SLC15A1: variants seen among roughly 807,000 people sequenced by gnomAD.
The protein encoded by SLC15A1 is Caco-2 oligopeptide transporter.
A neutral mutation model predicts 92.9 loss-of-function variants in SLC15A1; 83 were observed. The observed-to-expected ratio is 0.89, with a 90% CI of 0.75 to 1.07. The LOEUF (loss-of-function observed/expected upper bound fraction) is 1.07, where lower values mean the gene tolerates loss of function less well. Ranked by LOEUF, SLC15A1 falls within the 50% of genes least tolerant of loss-of-function variation. SLC15A1 has a pLI of 0.00. For synonymous variants in SLC15A1, 322 were observed against 318.2 expected, an observed-to-expected ratio of 1.01 and a Z score of -0.13; for missense variants, 857 against 880.1, an observed-to-expected ratio of 0.97 and a Z score of 0.33.
At chr13:98,749,252 G>A (rs1484356823) in intron 1 of SLC15A1, among the ~76,000 whole-genome samples, 1 of 152,210 alleles carries the variant, frequency 6.6e-6, no homozygotes, top group African/African-American at 2.4e-5. Context: ...ATCATTTTAA[G>A]CTCAGGCAGC....
At chr13:98,737,497 T>TA (rs1272099509) in intron 1 of SLC15A1, among the ~76,000 whole-genome samples, 2 of 151,930 alleles carry the variant, frequency 1.3e-5, no homozygotes, top group African/African-American at 4.8e-5. Flanking sequence ...AGTATAATAA[T>TA]AAAAAAAGGA....
rs746572919 is a variant in SLC15A1 at position 98,709,731 on chromosome 13, A to G, written c.978+11T>C. ...ACTCTGATCCCTGAAAGCAACTTAC[A>G]TGTCTTCTACCTGCATCTGATCGGG... On this transcript the variant is annotated intron_variant, in intron 13 of 22. Transcript: ENST00000376503. 2 of 1,614,204 alleles carry G rather than the reference A, an allele frequency of 1.2e-6. No homozygotes were observed. Among genetic ancestry groups the G allele is most frequent in the Admixed American group, 1.7e-5 (1 of 60,022 alleles).
intron 10 of SLC15A1, 38 bp from the exon 11 acceptor site, chr13:98,711,981 C>T: frequency 6.9e-7 from 1 of 1,455,212 alleles, no homozygotes; most frequent in Non-Finnish European, 9.6e-7. Context: ...TCAGCCACAC[C>T]CTGTGTCCTG....
At chr13:98,707,899 A>ATTTT (rs1448963144) in intron 15 of SLC15A1, among the ~76,000 whole-genome samples, 12 of 57,578 alleles carry the variant, frequency 2.1e-4, no homozygotes, top group African/African-American at 4.5e-4. Context: ...TTTAAAAAAA[A>ATTTT]AAAAAAAAAA....
rs2087950423 is a variant in SLC15A1, at chr13:98,688,539, A to G, written c.1505T>C (p.Met502Thr). Residue 502 changes from methionine (M) to threonine (T), a missense_variant, in exon 19 of 23, where the codon ATG becomes ACG. Met to Thr is a moderately conservative substitution (Grantham distance 81). Coordinates refer to ENST00000376503, the MANE Select transcript of SLC15A1 (RefSeq NM_005073.4). ...NTFNELITITMSGKVYANISS... is the reference protein window; with the variant it reads ...NTFNELITITTSGKVYANISS... ...GATGTTTGCATAAACTTTCCCACTC[A>G]TTGTGATGGTGATGAGCTCGTTAAA... is the stretch of plus-strand genomic sequence containing the variant. 1 of 1,614,080 alleles carries G rather than the reference A, an allele frequency of 6.2e-7. No individual in the cohort carries two copies.
At position 98,700,115 on chromosome 13, in the gene SLC15A1, T is replaced by G. The variant is rs143954725; in HGVS notation, c.1466+2365A>C. Among the ~76,000 whole-genome samples the G allele has an allele frequency of 2.7e-3, 411 of 152,290 alleles. 9 individuals are homozygous for G. Among genetic ancestry groups the G allele is most frequent in the East Asian group, 1.5e-3 (8 of 5,194 alleles). On this transcript the variant is annotated intron_variant, in intron 18 of 22. Coordinates refer to ENST00000376503, the MANE Select transcript of SLC15A1 (RefSeq NM_005073.4). ...TGTCAAATACATGATTTCTAAATAT[T>G]TTCTCCCAGTTTATAGTGAATCTTT...
intron 20 of SLC15A1, among the ~76,000 whole-genome samples, chr13:98,687,960 C>A (rs2087943607): frequency 6.6e-6 from 1 of 152,138 alleles, no homozygotes; most frequent in South Asian, 2.1e-4. Context: ...TAAAACACTG[C>A]CCTCTCTTTG....
intron 14 of SLC15A1, 34 bp downstream of exon 14, chr13:98,709,538 G>A: frequency 3.1e-6 from 5 of 1,589,668 alleles, no homozygotes; most frequent in Non-Finnish European, 4.3e-6. Context: ...GGGACCAAGG[G>A]AGCCTCAACC....
intron 18 of SLC15A1, among the ~76,000 whole-genome samples, chr13:98,691,585 T>C (rs1012657626): frequency 6.6e-5 from 10 of 152,222 alleles, no homozygotes; most frequent in African/African-American, 1.7e-4. Flanking sequence ...AGCCTGTCTG[T>C]GAGTAAAGAG....
At chr13:98,696,355 G>C (rs1011899548) in intron 18 of SLC15A1, among the ~76,000 whole-genome samples, 1 of 151,906 alleles carries the variant, frequency 6.6e-6, no homozygotes, top group African/African-American at 2.4e-5. Context: ...GGAGGCTGCA[G>C]TGAGCCAAGA....
At chr13:98,721,336 A>G in intron 7 of SLC15A1, 159 bp downstream of exon 7, 1 of 715,398 alleles carries the variant, frequency 1.4e-6, no homozygotes, top group Non-Finnish European at 2.6e-6. Context: ...TGAAACTCAC[A>G]GGGAAGGAAG....
rs2087907752 is a variant in SLC15A1, at chr13:98,683,891, T to G, written c.*833A>C. On this transcript the variant is annotated 3_prime_UTR_variant, in exon 23 of 23. Transcript: ENST00000376503. ...GCTGTCTTTCGAGTTATCCATAATT[T>G]AAACACAGGTAGGGACTAGAAAAAC... 6.6e-6 allele frequency: 1 copy of G among 152,196 alleles called. No individual in the cohort carries two copies. Among genetic ancestry groups the G allele is most frequent in the Non-Finnish European group, 1.5e-5 (1 of 68,036 alleles). The allele number at this position is 152,196 out of a possible 1,614,324, so 9.4% of individuals were successfully genotyped here.
Position 98,688,451 on chromosome 13 carries a change from A to G in SLC15A1, c.1574+19T>C. On this transcript the variant is annotated intron_variant, in intron 19 of 22. Coordinates refer to ENST00000376503, the MANE Select transcript of SLC15A1 (RefSeq NM_005073.4). The stretch of plus-strand genomic sequence containing the variant: ...AAATTCTTGAACCTTTGAGTGAAGC[A>G]TTCAGTCTCGGTACTTACATGCCAG... 2 of 1,608,888 alleles carry G rather than the reference A, an allele frequency of 1.2e-6. No homozygotes were observed. The highest frequency in any genetic ancestry group is 1.7e-6 in the Non-Finnish European group (2 of 1,175,448).
chr13:98,707,682 G>T (rs529398173), intron 15 of SLC15A1, among the ~76,000 whole-genome samples: 93 of 152,216 alleles, frequency 6.1e-4, no homozygotes, highest in African/African-American at 2.1e-3. Context: ...GCTGAGGTGG[G>T]AGGATTGATT....
intron 18 of SLC15A1, among the ~76,000 whole-genome samples, chr13:98,691,004 T>C (rs2087970643): frequency 2.0e-5 from 3 of 152,176 alleles, no homozygotes; most frequent in Non-Finnish European, 2.9e-5. Flanking sequence ...ATATTGTCTT[T>C]CACATTCGTT....
chr13:98,722,574 G>T (rs560215668), intron 5 of SLC15A1, among the ~76,000 whole-genome samples: 1 of 152,112 alleles, frequency 6.6e-6, no homozygotes, highest in Non-Finnish European at 1.5e-5. Flanking sequence ...TTATAGGCAT[G>T]TATCCCATAT....
At chr13:98,716,869 A>G (rs755464764) in intron 8 of SLC15A1, among the ~76,000 whole-genome samples, 2 of 152,030 alleles carry the variant, frequency 1.3e-5, no homozygotes, top group African/African-American at 2.4e-5. Flanking sequence ...GGCAAGTCAT[A>G]TTGTGAAAAT....
At chr13:98,750,939 A>C (rs1384386446) in intron 1 of SLC15A1, among the ~76,000 whole-genome samples, 1 of 151,892 alleles carries the variant, frequency 6.6e-6, no homozygotes, top group Non-Finnish European at 1.5e-5. Context: ...TTTTTAGTAG[A>C]GACGGGGGTC....
At chr13:98,718,243 A>G (rs2088226281) in intron 8 of SLC15A1, among the ~76,000 whole-genome samples, 1 of 151,364 alleles carries the variant, frequency 6.6e-6, no homozygotes, top group African/African-American at 2.4e-5. Flanking sequence ...CATGTTGACA[A>G]GAACAAAAGC....
Sources: allele counts gnomAD v4.1 joint callset (sites outside exome capture counted in the v4.1 genomes callset), GRCh38; gene constraint gnomAD v4.1.1; transcripts MANE v1.5; gene names NCBI Gene and HGNC (gene_info 2026-07-23, HGNC 2026-07-21).